Variants in MTARC1 observed in about 807,000 individuals in gnomAD.
MTARC1 encodes the protein mitochondrial amidoxime reducing component 1.
A neutral mutation model predicts 33.6 loss-of-function variants in MTARC1; 24 were observed. The observed-to-expected ratio is 0.72, with a 90% CI of 0.52 to 1.01. MTARC1 has a LOEUF of 1.01. Among genes scored for constraint, MTARC1 ranks in the 50% least tolerant of loss-of-function variants. The pLI is 0.00. For missense variants in MTARC1, 417 were observed against 445.7 expected, an observed-to-expected ratio of 0.94 and a Z score of 0.58; for synonymous variants, 187 against 189.5, an observed-to-expected ratio of 0.99 and a Z score of 0.11.
Position 220,814,277 on chromosome 1 carries a change from A to G in MTARC1, c.*859A>G, listed in dbSNP as rs1673229656. 6.6e-6 allele frequency: 1 copy of G among 152,262 alleles called. No homozygotes were observed. The highest frequency in any genetic ancestry group is 2.1e-4 in the South Asian group (1 of 4,834). The allele number at this position is 152,262 out of a possible 1,614,324, so 9.4% of individuals were successfully genotyped here. Reference sequence around the variant, plus strand: ...ATTTTTTAACTGATTGTATAACTCTAAGATCTGATGAAGTATATTTTTTAT... The same window carrying G: ...ATTTTTTAACTGATTGTATAACTCTGAGATCTGATGAAGTATATTTTTTAT... On this transcript the variant is annotated 3_prime_UTR_variant, in exon 7 of 7. Transcript: ENST00000366910.
At position 220,816,465 on chromosome 1, in the gene MTARC1, T is replaced by C. The variant is rs1673282245; in HGVS notation, c.*3047T>C. 2 of 152,222 alleles carry C rather than the reference T, an allele frequency of 1.3e-5. No homozygotes were observed. Among genetic ancestry groups the C allele is most frequent in the African/African-American group, 4.8e-5 (2 of 41,444 alleles). 9.4% of individuals were successfully genotyped at this position (152,222 alleles called of 1,614,324 possible). A position where few individuals can be genotyped will look rare whatever the true frequency, so the allele number is the denominator to read the frequency against. ...TCCATGGAATTCTGAAAGTTTGCCT[T>C]TCGGGATGCTTCTAAAAACAATTCC... On this transcript the variant is annotated 3_prime_UTR_variant, in exon 7 of 7. Transcript: ENST00000366910.
In MTARC1 at chr1:220,816,944, T is replaced by C. The variant is rs1331110977; in HGVS notation, c.*3526T>C. ...TTTGGATGGATAGGGTGGATCAGGG[T>C]GAGGGAAGGGAAACCAAACTCTCTC... On this transcript the variant is annotated 3_prime_UTR_variant, in exon 7 of 7. Coordinates refer to ENST00000366910, the MANE Select transcript of MTARC1 (RefSeq NM_022746.4). The C allele has an allele frequency of 6.6e-6, 1 of 152,118 alleles. No individual in the cohort carries two copies. The highest frequency in any genetic ancestry group is 2.4e-5 in the African/African-American group (1 of 41,394). The allele number at this position is 152,118 out of a possible 1,614,324, so 9.4% of individuals were successfully genotyped here.
intron 3 of MTARC1, 34 bp from the exon 4 acceptor site, chr1:220,797,840 C>T (rs890419208): frequency 1.2e-6 from 2 of 1,606,744 alleles, no homozygotes; most frequent in Non-Finnish European, 1.7e-6. Flanking sequence ...AGTTGGTGTG[C>T]CATGTGTTAT....
At position 220,791,584 on chromosome 1, in the gene MTARC1, C is replaced by A. The variant is rs35887054; in HGVS notation, c.369C>A (p.Thr123=). The change falls in exon 2 of 7, where the codon ACC becomes ACA. Residue 123 remains threonine (T), a synonymous_variant. Coordinates refer to ENST00000366910, the MANE Select transcript of MTARC1 (RefSeq NM_022746.4). The part of the protein sequence containing the change: ...VLISLTCDGD[T]LTLSAAYTKD... ...TTTCCCTGACCTGCGATGGTGACAC[C>A]CTGACTCTCAGTGCAGCCTACACAA... 1.2e-6 allele frequency: 2 copies of A among 1,614,018 alleles called. No homozygotes were observed. The highest frequency in any genetic ancestry group is 1.7e-6 in the Non-Finnish European group (2 of 1,180,054).
At chr1:220,792,278 A>G (rs893435231) in intron 2 of MTARC1, among the ~76,000 whole-genome samples, 3 of 152,212 alleles carry the variant, frequency 2.0e-5, no homozygotes, top group African/African-American at 7.2e-5. Context: ...CCTCAACATC[A>G]GAAGGGCTGC....
intron 4 of MTARC1, among the ~76,000 whole-genome samples, chr1:220,799,355 T>A (rs1311357401): frequency 6.6e-6 from 1 of 152,202 alleles, no homozygotes; most frequent in Non-Finnish European, 1.5e-5. Context: ...AAGAAATTTC[T>A]GCCTGTCCTG....
intron 4 of MTARC1, among the ~76,000 whole-genome samples, chr1:220,799,421 G>C (rs1007321724): frequency 2.6e-5 from 4 of 152,106 alleles, no homozygotes; most frequent in Admixed American, 6.5e-5. Context: ...ATCAGTGTTT[G>C]GTTGCCTTTG....
intron 2 of MTARC1, among the ~76,000 whole-genome samples, chr1:220,792,262 C>T (rs1672449008): frequency 6.6e-6 from 1 of 152,206 alleles, no homozygotes; most frequent in Admixed American, 6.5e-5. Flanking sequence ...TGTACACAAG[C>T]CCTTCCCTCA....
Position 220,816,637 on chromosome 1 carries a change from G to A in MTARC1, c.*3219G>A, listed in dbSNP as rs1199934042. 1 of 152,250 alleles carries A rather than the reference G, an allele frequency of 6.6e-6. No homozygotes were observed. The highest frequency in any genetic ancestry group is 1.5e-5 in the Non-Finnish European group (1 of 68,070). 9.4% of individuals were successfully genotyped at this position (152,250 alleles called of 1,614,324 possible). A position where few individuals can be genotyped will look rare whatever the true frequency, so the allele number is the denominator to read the frequency against. ...ACTGTCTTTTGAGAAATGATCCTCTGATCTCTAGGCAGAATGCCAGTGAGC... is the reference window on the plus strand; with the variant it reads ...ACTGTCTTTTGAGAAATGATCCTCTAATCTCTAGGCAGAATGCCAGTGAGC... On this transcript the variant is annotated 3_prime_UTR_variant, in exon 7 of 7. Coordinates refer to ENST00000366910, the MANE Select transcript of MTARC1 (RefSeq NM_022746.4).
intron 3 of MTARC1, 77 bp from the exon 4 acceptor site, chr1:220,797,797 T>C (rs1030236405): frequency 1.4e-6 from 2 of 1,386,984 alleles, no homozygotes; most frequent in African/African-American, 1.4e-5. Context: ...ATGGAGGCTA[T>C]GTCTAGGAAC....
intron 6 of MTARC1, among the ~76,000 whole-genome samples, chr1:220,809,595 C>T (rs374397836): frequency 1.6e-4 from 24 of 152,234 alleles, no homozygotes; most frequent in African/African-American, 4.8e-4. Flanking sequence ...CTGCAACCTC[C>T]GCCTCCTGGG....
chr1:220,812,393 G>C (rs544707236), intron 6 of MTARC1, among the ~76,000 whole-genome samples: 103 of 152,356 alleles, frequency 6.8e-4, no homozygotes, highest in African/African-American at 2.4e-3. Flanking sequence ...CAGTGATATA[G>C]TGCAGTGTCA....
At position 220,813,843 on chromosome 1, in the gene MTARC1, G is replaced by A. The variant is rs1673214956; in HGVS notation, c.*425G>A. 1 of 164,290 alleles carries A rather than the reference G, an allele frequency of 6.1e-6. No homozygotes were observed. The highest frequency in any genetic ancestry group is 1.3e-5 in the Non-Finnish European group (1 of 74,586). 10.2% of individuals were successfully genotyped at this position (164,290 alleles called of 1,614,324 possible). A position where few individuals can be genotyped will look rare whatever the true frequency, so the allele number is the denominator to read the frequency against. ...AGAATGTGTTATTGCCCCTGTTCAT[G>A]AGGTACGCAATGAAAATTAAATTGC... is the stretch of plus-strand genomic sequence containing the variant. On this transcript the variant is annotated 3_prime_UTR_variant, in exon 7 of 7. Transcript: ENST00000366910.
At chr1:220,798,597 TG>T in intron 4 of MTARC1, 1 of 983,224 alleles carries the variant, frequency 1.0e-6, no homozygotes, top group Non-Finnish European at 1.2e-6. Flanking sequence ...AATTTACCTT[TG>T]TAATAAATGG....
intron 3 of MTARC1, 42 bp from the exon 4 acceptor site, chr1:220,797,831 GT>G: frequency 6.3e-7 from 1 of 1,594,482 alleles, no homozygotes; most frequent in Non-Finnish European, 8.6e-7. Context: ...CCACTGAAAA[GT>G]TGGTGTGCCA....
At chr1:220,802,623 C>T (rs374558195) in intron 4 of MTARC1, among the ~76,000 whole-genome samples, 70 of 152,326 alleles carry the variant, frequency 4.6e-4, no homozygotes, top group Middle Eastern at 6.8e-3. Context: ...TGAGCCACTG[C>T]GCCTGGCCCC....
chr1:220,796,897 T>C (rs1672639977), intron 3 of MTARC1, 92 bp downstream of exon 3: 1 of 1,347,758 alleles, frequency 7.4e-7, no homozygotes, highest in Middle Eastern at 1.9e-4. Context: ...GCTCTGTTGT[T>C]TTCTGGGGCA....
chr1:220,815,359 C>T lies in MTARC1; in HGVS notation c.*1941C>T, dbSNP rs191456927. On this transcript the variant is annotated 3_prime_UTR_variant, in exon 7 of 7. Coordinates refer to ENST00000366910, the MANE Select transcript of MTARC1 (RefSeq NM_022746.4). ...AAGTGAAAGCCTTAGTCCTGAATTT[C>T]TAACCACTTGTAAGAACTAACAGCC... 16 of 152,340 alleles carry T rather than the reference C, an allele frequency of 1.1e-4. No homozygotes were observed. The highest frequency in any genetic ancestry group is 1.9e-4 in the Non-Finnish European group (13 of 68,040). 9.4% of individuals were successfully genotyped at this position (152,340 alleles called of 1,614,324 possible).
chr1:220,816,088 C>T lies in MTARC1; in HGVS notation c.*2670C>T, dbSNP rs1411177381. 1 of 152,246 alleles carries T rather than the reference C, an allele frequency of 6.6e-6. No individual in the cohort carries two copies. The highest frequency in any genetic ancestry group is 1.5e-5 in the Non-Finnish European group (1 of 68,068). 9.4% of individuals were successfully genotyped at this position (152,246 alleles called of 1,614,324 possible). A position where few individuals can be genotyped will look rare whatever the true frequency, so the allele number is the denominator to read the frequency against. ...CGTTGTCCTATAGGGAGAAATACTC[C>T]TCCTCTCCTTCTCCCTTTACTGATA... On this transcript the variant is annotated 3_prime_UTR_variant, in exon 7 of 7. Coordinates refer to ENST00000366910, the MANE Select transcript of MTARC1 (RefSeq NM_022746.4).
Sources: allele counts gnomAD v4.1 joint callset (sites outside exome capture counted in the v4.1 genomes callset), GRCh38; gene constraint gnomAD v4.1.1; transcripts MANE v1.5; gene names NCBI Gene and HGNC (gene_info 2026-07-23, HGNC 2026-07-21).